The following SLIT3 variants were observed in gnomAD, a reference collection of about 807,000 sequenced individuals.
The protein encoded by SLIT3 is slit guidance ligand 3, also known as slit homolog 3 protein.
Under a neutral mutation model 184.0 loss-of-function variants are expected in SLIT3, and 68 were observed. The ratio of observed to expected loss-of-function variants is 0.37; its 90% CI spans 0.30 to 0.45. The LOEUF (loss-of-function observed/expected upper bound fraction) is 0.45, where lower values mean the gene tolerates loss of function less well. SLIT3 is among the 20% of genes least tolerant of loss of function. The pLI is 1.00. For synonymous variants in SLIT3, 831 were observed against 828.6 expected (o/e 1.00, Z -0.05); for missense variants, 1,707 against 2,026.0 (o/e 0.84, Z 3.02).
chr5:169,280,328 T>C (rs546802675), intron 1 of SLIT3, among the ~76,000 whole-genome samples: 1 of 152,350 alleles, frequency 6.6e-6, no homozygotes, highest in East Asian at 1.9e-4. Flanking sequence ...GCATTTGGTA[T>C]TGAGGGTTCC....
intron 4 of SLIT3, among the ~76,000 whole-genome samples, chr5:169,021,557 G>A (rs2113491519): frequency 6.6e-6 from 1 of 152,146 alleles, no homozygotes; most frequent in East Asian, 1.9e-4. Context: ...CACCATGTTG[G>A]CCAGGCTGGT....
chr5:168,677,857 T>C (rs532397568), intron 32 of SLIT3, among the ~76,000 whole-genome samples: 5 of 152,140 alleles, frequency 3.3e-5, no homozygotes, highest in Admixed American at 6.5e-5. Context: ...TGGAGCTGGG[T>C]GTGGCAGCAA....
chr5:169,108,001 T>C (rs545998122), intron 4 of SLIT3, among the ~76,000 whole-genome samples: 9 of 152,314 alleles, frequency 5.9e-5, no homozygotes, highest in African/African-American at 1.7e-4. Flanking sequence ...TTTTGACTGT[T>C]ACTTCCCCTT....
At chr5:168,890,808 A>G (rs906924625) in intron 4 of SLIT3, among the ~76,000 whole-genome samples, 3 of 152,192 alleles carry the variant, frequency 2.0e-5, no homozygotes, top group Non-Finnish European at 4.4e-5. Flanking sequence ...CATTTTCCAT[A>G]ATAAAAAAAG....
At chr5:168,678,158 T>C (rs569421330) in intron 32 of SLIT3, among the ~76,000 whole-genome samples, 8 of 152,304 alleles carry the variant, frequency 5.3e-5, no homozygotes, top group African/African-American at 1.9e-4. Context: ...TAGGTGCTCA[T>C]GGGTTAACAG....
chr5:169,186,301 C>G (rs1184910878), intron 4 of SLIT3, among the ~76,000 whole-genome samples: 1 of 152,124 alleles, frequency 6.6e-6, no homozygotes, highest in African/African-American at 2.4e-5. Context: ...ACCACAGAGG[C>G]ACAACCACGT....
At chr5:169,044,587 T>TGGGGGGGGGAGGGG (rs1757560724) in intron 4 of SLIT3, among the ~76,000 whole-genome samples, 4 of 70,638 alleles carry the variant, frequency 5.7e-5, no homozygotes, top group Admixed American at 1.5e-4. Context: ...TGGAGGAAGG[T>TGGGGGGGGGAGGGG]GGGGGGGGGG....
intron 4 of SLIT3, among the ~76,000 whole-genome samples, chr5:169,044,597 G>A (rs1398055993): frequency 1.5e-5 from 2 of 135,216 alleles, no homozygotes; most frequent in Admixed American, 7.5e-5. Context: ...TGGGGGGGGG[G>A]ATGGGGAGAA....
chr5:168,810,606 G>C (rs77795912), intron 8 of SLIT3, among the ~76,000 whole-genome samples: 1,688 of 150,270 alleles, frequency 0.011, 22 homozygotes, highest in Non-Finnish European at 0.018. Context: ...TCTCCCCTCT[G>C]GGGGGGACTT....
At chr5:168,948,180 C>G (rs1267867269) in intron 4 of SLIT3, among the ~76,000 whole-genome samples, 1 of 152,160 alleles carries the variant, frequency 6.6e-6, no homozygotes, top group Non-Finnish European at 1.5e-5. Context: ...TCTGCCGGAC[C>G]TGACGCGCCA....
chr5:168,776,095 G>A (rs750743273), intron 12 of SLIT3, among the ~76,000 whole-genome samples: 127 of 152,322 alleles, frequency 8.3e-4, no homozygotes, highest in Non-Finnish European at 1.5e-3. Flanking sequence ...CCCTGGTGGG[G>A]AATGACACAT....
At chr5:168,759,268 G>A (rs376031679) in intron 16 of SLIT3, among the ~76,000 whole-genome samples, 15 of 152,296 alleles carry the variant, frequency 9.8e-5, no homozygotes, top group African/African-American at 3.4e-4. Context: ...AGGGTCCTGC[G>A]AGCCTCTGGT....
chr5:169,032,922 A>AT (rs199911562), intron 4 of SLIT3, among the ~76,000 whole-genome samples: 4,110 of 88,044 alleles, frequency 0.047, 256 homozygotes, highest in Non-Finnish European at 0.062. Flanking sequence ...TTTTTCCTTG[A>AT]TTTTTTTTTT....
At chr5:169,016,943 C>T (rs1756406227) in intron 4 of SLIT3, among the ~76,000 whole-genome samples, 1 of 152,176 alleles carries the variant, frequency 6.6e-6, no homozygotes, top group African/African-American at 2.4e-5. Flanking sequence ...AGACTGATCC[C>T]AGGTCACAGA....
At chr5:169,014,025 CA>C (rs1434276128) in intron 4 of SLIT3, among the ~76,000 whole-genome samples, 1 of 152,022 alleles carries the variant, frequency 6.6e-6, no homozygotes, top group East Asian at 1.9e-4. Flanking sequence ...AAATGCCTCG[CA>C]AAAACTTTGA....
intron 10 of SLIT3, chr5:168,789,936 CCAGT>C (rs1436862865): frequency 3.1e-6 from 1 of 320,562 alleles, no homozygotes; most frequent in Non-Finnish European, 5.7e-6. Flanking sequence ...AAAATTGAGC[CCAGT>C]CAAATTAGGG....
chr5:169,145,083 G>A (rs1761882610), intron 4 of SLIT3, among the ~76,000 whole-genome samples: 2 of 152,162 alleles, frequency 1.3e-5, no homozygotes, highest in South Asian at 4.1e-4. Flanking sequence ...TTGTGAGGAA[G>A]GAGAAACACA....
At chr5:169,195,094 A>T (rs921326504) in intron 3 of SLIT3, among the ~76,000 whole-genome samples, 1 of 152,192 alleles carries the variant, frequency 6.6e-6, no homozygotes, top group Admixed American at 6.5e-5. Context: ...GGCCTATTAC[A>T]TGATGTAACT....
intron 4 of SLIT3, among the ~76,000 whole-genome samples, chr5:168,929,974 G>A (rs1761939867): frequency 6.6e-6 from 1 of 152,176 alleles, no homozygotes; most frequent in Non-Finnish European, 1.5e-5. Flanking sequence ...CAGAGCTTAA[G>A]GAAGGCAGAC....
Sources: gnomAD v4.1 joint callset for allele counts (sites outside exome capture counted in the v4.1 genomes callset) on GRCh38, gnomAD v4.1.1 for gene constraint, MANE v1.5 for transcripts, NCBI Gene and HGNC (gene_info 2026-07-23, HGNC 2026-07-21) for gene names.